Variants in NOP14 observed in about 807,000 individuals in gnomAD.
The protein encoded by NOP14 is nucleolar protein 14.
In NOP14, 57 loss-of-function variants were observed where a neutral mutation model predicts 101.6. The observed-to-expected ratio is 0.56, with a 90% CI of 0.45 to 0.70. The LOEUF (loss-of-function observed/expected upper bound fraction) is 0.70, where lower values mean the gene tolerates loss of function less well. Among genes scored for constraint, NOP14 ranks in the 30% least tolerant of loss-of-function variants. NOP14 has a pLI of 0.00. For missense variants in NOP14, 1,134 were observed against 1,075.5 expected, an observed-to-expected ratio of 1.05 and a Z score of -0.76; for synonymous variants, 428 against 424.0, an observed-to-expected ratio of 1.01 and a Z score of -0.12.
Position 2,960,016 on chromosome 4 carries a change from C to A in NOP14, c.196-2276G>T, listed in dbSNP as rs1715620868. ...ATGGAATCTCGCTCTGTCGCCCAGG[C>A]TGGAGTGCAGTGGCACAATCTCAGC... On this transcript the variant is annotated intron_variant, in intron 1 of 17. Transcript: ENST00000416614. Among the ~76,000 whole-genome samples, 3 of 151,402 alleles carry A rather than the reference C, an allele frequency of 2.0e-5. No individual in the cohort carries two copies. In the South Asian group the frequency reaches 6.3e-4, roughly 32 times the overall value.
intron 15 of NOP14, chr4:2,941,092 G>C: frequency 6.4e-6 from 1 of 157,116 alleles, no homozygotes; most frequent in Non-Finnish European, 1.4e-5. Flanking sequence ...CAGGGTGAAA[G>C]GCAGGGAGGC....
At chr4:2,955,038 C>T (rs1225279715) in intron 3 of NOP14, among the ~76,000 whole-genome samples, 14 of 142,826 alleles carry the variant, frequency 9.8e-5, no homozygotes, top group Admixed American at 2.8e-4. Flanking sequence ...CTCCACGCCA[C>T]GGCGCCCCCT....
intron 7 of NOP14, 23 bp from the exon 8 acceptor site, chr4:2,950,236 A>G (rs1309564908): frequency 6.2e-7 from 1 of 1,611,082 alleles, no homozygotes; most frequent in Admixed American, 1.7e-5. Context: ...TGGAAACCAC[A>G]GGGCATGAGG....
Position 2,938,388 on chromosome 4 carries a change from C to T in NOP14, c.*443G>A, listed in dbSNP as rs1713830943. ...ATACAAAATTAGCTGGGCGTGGTGG[C>T]ACATGTCTGTAATCCCAGCTACTCG... On this transcript the variant is annotated 3_prime_UTR_variant, in exon 18 of 18. Transcript: ENST00000416614. 4 of 393,666 alleles carry T rather than the reference C, an allele frequency of 1.0e-5. No individual in the cohort carries two copies. Among genetic ancestry groups the T allele is most frequent in the East Asian group, 8.3e-5 (1 of 12,074 alleles). 24.4% of individuals were successfully genotyped at this position (393,666 alleles called of 1,614,324 possible).
At position 2,950,319 on chromosome 4, in the gene NOP14, T is replaced by C. The variant is rs111546800; in HGVS notation, c.1003-106A>G. On this transcript the variant is annotated intron_variant, in intron 7 of 17. Transcript: ENST00000416614. ...GCCCACATCAGGGCTTTCTACGTGG[T>C]TGCAAGGAACACAAACCTGTGTGCT... The C allele has an allele frequency of 7.2e-6, 9 of 1,246,208 alleles. No homozygotes were observed. The Admixed American group carries it at 1.4e-4, about 19-fold the overall frequency. 77.2% of individuals were successfully genotyped at this position (1,246,208 alleles called of 1,614,324 possible).
At chr4:2,955,001 GCACGCCACGGCGCCCCCTCTAGTCACCTC>G (rs1180450155) in intron 3 of NOP14, among the ~76,000 whole-genome samples, 17 of 149,000 alleles carry the variant, frequency 1.1e-4, no homozygotes, top group South Asian at 1.1e-3. Context: ...CTAGTCACCT[GCACGCCACGGCGCCCCCTCTAGTCACCTC>G]CACGCCACGG....
chr4:2,953,949 T>A (rs1715181671), intron 4 of NOP14, among the ~76,000 whole-genome samples: 2 of 152,144 alleles, frequency 1.3e-5, no homozygotes, highest in African/African-American at 4.8e-5. Flanking sequence ...AAAAAACCCA[T>A]CCGCGCCAGG....
At position 2,942,194 on chromosome 4, in the gene NOP14, G is replaced by A; in HGVS notation, c.2049C>T (p.Ile683=). 4 of 1,613,820 alleles carry A rather than the reference G, an allele frequency of 2.5e-6. No individual in the cohort carries two copies. The highest frequency in any genetic ancestry group is 3.4e-6 in the Non-Finnish European group (4 of 1,179,798). The change falls in exon 14 of 18, where the codon ATC becomes ATT. Residue 683 remains isoleucine (I), a splice_region_variant and synonymous_variant. Coordinates refer to ENST00000416614, the MANE Select transcript of NOP14 (RefSeq NM_001291978.2). Reference sequence around the variant, plus strand: ...CAAAGCGGGGTCCCCTCACATACCGGATGTGATTGGCCTCTGTCGAAGTTG... The same window carrying A: ...CAAAGCGGGGTCCCCTCACATACCGAATGTGATTGGCCTCTGTCGAAGTTG... ...RAPTSTEANH[I]RLSCLAVGLA... is the part of the protein sequence containing the mutation.
At chr4:2,944,968 C>T (rs1416031079) in intron 12 of NOP14, among the ~76,000 whole-genome samples, 160 bp downstream of exon 12, 1 of 152,240 alleles carries the variant, frequency 6.6e-6, no homozygotes, top group Non-Finnish European at 1.5e-5. Flanking sequence ...CTGCTCGAGC[C>T]GGGGCTCTTT....
chr4:2,957,095 T>A (rs1032268126), intron 2 of NOP14, among the ~76,000 whole-genome samples: 4 of 152,122 alleles, frequency 2.6e-5, no homozygotes, highest in Non-Finnish European at 4.4e-5. Flanking sequence ...TCTGACTCCC[T>A]GGTTCAAGTG....
chr4:2,961,628 T>C (rs559800768), intron 1 of NOP14: 2 of 152,396 alleles, frequency 1.3e-5, no homozygotes, highest in African/African-American at 4.8e-5. Flanking sequence ...CACTTCACCA[T>C]ACCGGGACAA....
intron 12 of NOP14, 33 bp from the exon 13 acceptor site, chr4:2,944,259 G>C (rs758954589): frequency 6.3e-7 from 1 of 1,596,510 alleles, no homozygotes; most frequent in South Asian, 1.1e-5. Flanking sequence ...TTACTGTCCT[G>C]GGACGATGTC....
intron 9 of NOP14, among the ~76,000 whole-genome samples, chr4:2,947,911 A>G (rs971965955): frequency 1.3e-5 from 2 of 152,248 alleles, no homozygotes; most frequent in African/African-American, 4.8e-5. Flanking sequence ...TCCTCCTCAC[A>G]GGCAATATCC....
intron 10 of NOP14, 103 bp downstream of exon 10, chr4:2,947,423 C>T: frequency 3.6e-6 from 3 of 836,798 alleles, no homozygotes; most frequent in Non-Finnish European, 5.8e-6. Context: ...CACCATCATT[C>T]CACCTACCTT....
At chr4:2,960,114 C>T (rs761658185) in intron 1 of NOP14, among the ~76,000 whole-genome samples, 32 of 152,110 alleles carry the variant, frequency 2.1e-4, no homozygotes, top group Middle Eastern at 3.2e-3. Context: ...GGATTACAGG[C>T]GCACGCTGCC....
intron 17 of NOP14, 120 bp downstream of exon 17, chr4:2,939,068 T>A: frequency 6.6e-7 from 1 of 1,526,330 alleles, no homozygotes; most frequent in Admixed American, 1.7e-5. Context: ...CCTGCCTGGC[T>A]CCAACCCCCA....
In NOP14 at chr4:2,948,150, C is replaced by A. The variant is rs1490840282; in HGVS notation, c.1413+128G>T. 4 of 1,186,710 alleles carry A rather than the reference C, an allele frequency of 3.4e-6. No individual in the cohort carries two copies. The African/African-American group carries it at 4.7e-5, about 14-fold the overall frequency. 73.5% of individuals were successfully genotyped at this position (1,186,710 alleles called of 1,614,324 possible). ...ACTCCCAGCCATCATCATAGGTAAC[C>A]ATGTGACGGGCTGGCCCCATCTGGC... is the stretch of plus-strand genomic sequence containing the variant. On this transcript the variant is annotated intron_variant, in intron 9 of 17. Coordinates refer to ENST00000416614, the MANE Select transcript of NOP14 (RefSeq NM_001291978.2).
chr4:2,946,300 T>A, intron 11 of NOP14, 112 bp downstream of exon 11: 1 of 1,285,720 alleles, frequency 7.8e-7, no homozygotes, highest in Non-Finnish European at 1.1e-6. Context: ...TCACTCCACA[T>A]CACCCTGGAA....
chr4:2,949,882 C>G, intron 8 of NOP14, 52 bp downstream of exon 8: 2 of 1,604,276 alleles, frequency 1.2e-6, no homozygotes, highest in Non-Finnish European at 1.7e-6. Context: ...ACAGCTATGG[C>G]CAGGTCATAA....
Sources: gnomAD v4.1 joint callset for allele counts (sites outside exome capture counted in the v4.1 genomes callset) on GRCh38, gnomAD v4.1.1 for gene constraint, MANE v1.5 for transcripts, NCBI Gene and HGNC (gene_info 2026-07-23, HGNC 2026-07-21) for gene names.